Variants in CASD1 observed in about 807,000 individuals in gnomAD.
The protein encoded by CASD1 is N-acetylneuraminate (7)9-O-acetyltransferase.
In CASD1, 41 loss-of-function variants were observed where a neutral mutation model predicts 100.0. The observed-to-expected ratio is 0.41, with a 90% CI of 0.32 to 0.53. The LOEUF (loss-of-function observed/expected upper bound fraction) is 0.53. CASD1 is among the 20% of genes least tolerant of loss of function. The probability of loss-of-function intolerance (pLI) is 0.25; values close to 1 mark genes in which losing one functional copy is unlikely to be tolerated. For missense variants in CASD1, 774 were observed against 948.7 expected (o/e 0.82, Z 2.42); for synonymous variants, 321 against 315.6 (o/e 1.02, Z -0.18).
chr7:94,542,923 A>G (rs1795485546), intron 10 of CASD1, among the ~76,000 whole-genome samples: 1 of 152,208 alleles, frequency 6.6e-6, no homozygotes, highest in African/African-American at 2.4e-5. Context: ...ATGAAGGGCA[A>G]TAAATAAAAA....
At chr7:94,560,323 T>G (rs980758904), downstream of CASD1, among the ~76,000 whole-genome samples, 1 of 152,200 alleles carries the variant, frequency 6.6e-6, no homozygotes, top group African/African-American at 2.4e-5. Context: ...GCACTTTCTT[T>G]CCTTGACCCC....
At chr7:94,584,246 T>C in the CASD1 span, among the ~76,000 whole-genome samples, 18 of 152,316 alleles carry the variant, frequency 1.2e-4, no homozygotes, top group South Asian at 6.2e-4. Flanking sequence ...TGATTTCACC[T>C]GGTAAGAGCA....
chr7:94,619,118 C>G, the CASD1 span: 2 of 633,898 alleles, frequency 3.2e-6, no homozygotes, highest in East Asian at 5.5e-5. Context: ...GAGGATGTAT[C>G]TAAAAACATA....
At chr7:94,536,224 CAG>C (rs1795112149) in intron 8 of CASD1, among the ~76,000 whole-genome samples, 2 of 152,104 alleles carry the variant, frequency 1.3e-5, no homozygotes, top group Non-Finnish European at 2.9e-5. Context: ...GCCTGGGTGA[CAG>C]AGAGAGACTC....
intron 16 of CASD1, 93 bp from the exon 17 acceptor site, chr7:94,554,390 T>TAAAGAATAAGGTTATCATTTAAAAG: frequency 1.3e-6 from 1 of 771,294 alleles, no homozygotes; most frequent in South Asian, 1.9e-5. Context: ...TTCACAAACA[T>TAAAGAATAAGGTTATCATTTAAAAG]AAAGAATAAG....
intron 14 of CASD1, among the ~76,000 whole-genome samples, chr7:94,550,048 TA>T (rs1198854098): frequency 6.6e-6 from 1 of 152,064 alleles, no homozygotes; most frequent in Non-Finnish European, 1.5e-5. Flanking sequence ...GAGTCTAGTT[TA>T]AAACCCAAGA....
At chr7:94,584,051 TC>T in the CASD1 span, among the ~76,000 whole-genome samples, 1 of 152,154 alleles carries the variant, frequency 6.6e-6, no homozygotes, top group South Asian at 2.1e-4. Context: ...ATGATTTCTC[TC>T]CCCATTCAAT....
At chr7:94,524,154 C>A (rs1416349876) in intron 3 of CASD1, 1 of 151,850 alleles carries the variant, frequency 6.6e-6, no homozygotes, top group East Asian at 1.9e-4. Context: ...ACATCTCTTA[C>A]ATAAGGAACA....
chr7:94,547,992 C>T (rs542182704), intron 13 of CASD1, among the ~76,000 whole-genome samples: 8 of 150,934 alleles, frequency 5.3e-5, no homozygotes, highest in Admixed American at 1.3e-4. Context: ...ACTTAAAAGT[C>T]TTTAAAGCAC....
chr7:94,604,806 A>AATATATATATATATAT, the CASD1 span, among the ~76,000 whole-genome samples: 2 of 44,410 alleles, frequency 4.5e-5, no homozygotes, highest in Admixed American at 2.3e-4. Context: ...ATGGTGCTGG[A>AATATATATATATATAT]ATATATATAT....
rs1796178178 is a variant in CASD1, at chr7:94,555,822, A to G, written c.*64A>G. ...CCTTTGTGTGTCTCTAGAAGAGAAAAGCATCTATCTGGAGATATAAATGTG... is the reference window on the plus strand; with the variant it reads ...CCTTTGTGTGTCTCTAGAAGAGAAAGGCATCTATCTGGAGATATAAATGTG... On this transcript the variant is annotated 3_prime_UTR_variant, in exon 18 of 18. Coordinates refer to ENST00000297273, the MANE Select transcript of CASD1 (RefSeq NM_022900.5). 3.4e-6 allele frequency: 5 copies of G among 1,472,556 alleles called. No individual in the cohort carries two copies. The South Asian group carries it at 3.9e-5, about 11-fold the overall frequency. The allele number at this position is 1,472,556 out of a possible 1,614,324, so 91.2% of individuals were successfully genotyped here.
At chr7:94,582,866 C>T in the CASD1 span, among the ~76,000 whole-genome samples, 1 of 152,170 alleles carries the variant, frequency 6.6e-6, no homozygotes, top group Non-Finnish European at 1.5e-5. Context: ...TTTGGCTCAC[C>T]ATTGCATCCT....
chr7:94,604,589 T>G, the CASD1 span, among the ~76,000 whole-genome samples: 2 of 150,422 alleles, frequency 1.3e-5, no homozygotes, highest in Admixed American at 1.3e-4. Context: ...ACTCTCACAT[T>G]TAATAAACTG....
At chr7:94,565,975 C>T in the CASD1 span, among the ~76,000 whole-genome samples, 2 of 152,118 alleles carry the variant, frequency 1.3e-5, no homozygotes, top group Non-Finnish European at 2.9e-5. Context: ...GCTCCAAAAC[C>T]AAGATTACCA....
the CASD1 span, among the ~76,000 whole-genome samples, chr7:94,570,662 T>C: frequency 6.6e-6 from 1 of 152,118 alleles, no homozygotes; most frequent in African/African-American, 2.4e-5. Flanking sequence ...GCCCAGTTAA[T>C]TTTTCTATTT....
the CASD1 span, among the ~76,000 whole-genome samples, chr7:94,572,398 T>A: frequency 2.0e-5 from 3 of 152,182 alleles, no homozygotes; most frequent in Non-Finnish European, 4.4e-5. Context: ...TTGGATTATG[T>A]TTTTTTGTTG....
chr7:94,610,509 G>T, the CASD1 span, among the ~76,000 whole-genome samples: 1 of 152,176 alleles, frequency 6.6e-6, no homozygotes, highest in Admixed American at 6.5e-5. Flanking sequence ...CTTAAAAATA[G>T]TATACGCACA....
intron 5 of CASD1, among the ~76,000 whole-genome samples, chr7:94,532,160 A>G (rs1483632859): frequency 1.3e-5 from 2 of 152,146 alleles, no homozygotes; most frequent in Non-Finnish European, 2.9e-5. Context: ...CCAAGACCCT[A>G]GCATGTGCCT....
At chr7:94,604,687 C>T in the CASD1 span, among the ~76,000 whole-genome samples, 1 of 150,780 alleles carries the variant, frequency 6.6e-6, no homozygotes, top group African/African-American at 2.4e-5. Flanking sequence ...ATCCACATAT[C>T]CTGTCCTACC....
Sources: gnomAD v4.1 joint callset for allele counts (sites outside exome capture counted in the v4.1 genomes callset) on GRCh38, gnomAD v4.1.1 for gene constraint, MANE v1.5 for transcripts, NCBI Gene and HGNC (gene_info 2026-07-23, HGNC 2026-07-21) for gene names.